The following NCAPD3 variants were observed in gnomAD, a reference collection of about 807,000 sequenced individuals.
NCAPD3 encodes non-SMC condensin II complex subunit D3, also known as condensin-2 complex subunit D3.
NCAPD3 carries 105 observed loss-of-function variants against 182.9 expected under a neutral mutation model. That is an observed-to-expected ratio of 0.57 (90% CI 0.49 to 0.68). The LOEUF is 0.68. Among genes scored for constraint, NCAPD3 ranks in the 30% least tolerant of loss-of-function variants. The pLI, the probability that NCAPD3 is intolerant of heterozygous loss-of-function variation, is 0.00. For missense variants in NCAPD3, 1,944 were observed against 1,837.0 expected (o/e 1.06, Z -1.07); for synonymous variants, 815 against 679.9 (o/e 1.20, Z -3.09).
At position 134,150,573 on chromosome 11, in the gene NCAPD3, G is replaced by A. The variant is rs1164322688; in HGVS notation, c.*2371C>T. On this transcript the variant is annotated 3_prime_UTR_variant, in exon 35 of 35. Coordinates refer to ENST00000534548, the MANE Select transcript of NCAPD3 (RefSeq NM_015261.3). ...CTGGTGTCTTCCATGTAGCGTCCCA[G>A]CTTTGGGCTCCTGTAACAGACCTCT... 6.6e-6 allele frequency: 1 copy of A among 152,188 alleles called. No individual in the cohort carries two copies. The highest frequency in any genetic ancestry group is 2.4e-5 in the African/African-American group (1 of 41,450). The allele number at this position is 152,188 out of a possible 1,614,324, so 9.4% of individuals were successfully genotyped here.
chr11:134,209,496 T>C lies in NCAPD3; in HGVS notation c.568-19A>G. 1.3e-6 allele frequency: 2 copies of C among 1,596,354 alleles called. No homozygotes were observed. On this transcript the variant is annotated intron_variant, in intron 4 of 34. Coordinates refer to ENST00000534548, the MANE Select transcript of NCAPD3 (RefSeq NM_015261.3). ...CATCCATCTAGATTATGAAGAAATG[T>C]ACAGGTGACTGTAATAAATGCCAAA...
chr11:134,160,862 T>A (rs947684783), intron 28 of NCAPD3, among the ~76,000 whole-genome samples: 1 of 151,914 alleles, frequency 6.6e-6, no homozygotes, highest in Non-Finnish European at 1.5e-5. Context: ...CGTGTGGCCA[T>A]CCTGTGTGTG....
intron 3 of NCAPD3, among the ~76,000 whole-genome samples, chr11:134,210,877 T>C (rs1224187456): frequency 1.3e-5 from 2 of 152,182 alleles, no homozygotes; most frequent in African/African-American, 4.8e-5. Flanking sequence ...ACACAAATTA[T>C]AATGGTCTTA....
chr11:134,198,738 C>A (rs913300331), intron 13 of NCAPD3, among the ~76,000 whole-genome samples: 1 of 152,030 alleles, frequency 6.6e-6, no homozygotes, highest in African/African-American at 2.4e-5. Context: ...CATTAGAGCT[C>A]GTAATGAGTT....
intron 30 of NCAPD3, 97 bp downstream of exon 30, chr11:134,158,232 C>G: frequency 1.3e-6 from 2 of 1,550,912 alleles, no homozygotes; most frequent in Non-Finnish European, 1.8e-6. Context: ...CAGACAATGA[C>G]AATGACTTTC....
intron 28 of NCAPD3, among the ~76,000 whole-genome samples, chr11:134,161,135 T>G (rs1943566328): frequency 6.6e-6 from 1 of 152,192 alleles, no homozygotes; most frequent in Non-Finnish European, 1.5e-5. Flanking sequence ...TGTAGCATTT[T>G]TTTGAGGAAG....
chr11:134,170,584 A>G (rs1943983179), intron 24 of NCAPD3, among the ~76,000 whole-genome samples: 2 of 152,272 alleles, frequency 1.3e-5, no homozygotes. Flanking sequence ...GCCAGATAGA[A>G]TCAGCAAATC....
intron 17 of NCAPD3, 67 bp downstream of exon 17, chr11:134,185,268 C>T (rs1944379556): frequency 1.4e-6 from 2 of 1,398,316 alleles, no homozygotes; most frequent in African/African-American, 2.9e-5. Context: ...AGCTCACTTC[C>T]TTAAGTCTTG....
intron 27 of NCAPD3, among the ~76,000 whole-genome samples, chr11:134,163,878 A>G (rs1206022640): frequency 3.0e-5 from 4 of 133,814 alleles, no homozygotes; most frequent in Admixed American, 1.4e-4. Context: ...TCTCAAAAAA[A>G]AAAAAAAAAA....
intron 30 of NCAPD3, 72 bp from the exon 31 acceptor site, chr11:134,158,139 TC>T: frequency 6.4e-7 from 1 of 1,554,420 alleles, no homozygotes; most frequent in Non-Finnish European, 8.8e-7. Context: ...CTGCACTGTG[TC>T]CCCGCGTGCC....
At chr11:134,170,017 T>C (rs1260316191) in intron 24 of NCAPD3, among the ~76,000 whole-genome samples, 1 of 152,226 alleles carries the variant, frequency 6.6e-6, no homozygotes, top group Admixed American at 6.5e-5. Context: ...TGGGACTGTG[T>C]AGGAGACTGA....
chr11:134,169,984 C>T, intron 24 of NCAPD3, among the ~76,000 whole-genome samples: 1 of 152,234 alleles, frequency 6.6e-6, no homozygotes, highest in East Asian at 1.9e-4. Flanking sequence ...GTCCAAACAG[C>T]AGACACTGGC....
intron 14 of NCAPD3, 33 bp downstream of exon 14, chr11:134,194,631 CT>C (rs751658634): frequency 7.7e-5 from 113 of 1,474,188 alleles, no homozygotes; most frequent in Middle Eastern, 5.3e-4. Context: ...GTTTTTAGTG[CT>C]TAAAAAAAAA....
intron 1 of NCAPD3, chr11:134,223,126 T>G: frequency 2.5e-6 from 1 of 395,760 alleles, no homozygotes. Context: ...TGGTCATTTA[T>G]TTAGGAAACA....
At position 134,152,798 on chromosome 11, in the gene NCAPD3, C is replaced by T. The variant is rs1565511503; in HGVS notation, c.*146G>A. ...CATCATACAGAATAGAAGGTGAGTG[C>T]CAGGCCCCTGAGGAGGAGCTCTCGT... is the stretch of plus-strand genomic sequence containing the variant. On this transcript the variant is annotated 3_prime_UTR_variant, in exon 35 of 35. Coordinates refer to ENST00000534548, the MANE Select transcript of NCAPD3 (RefSeq NM_015261.3). 3.6e-5 allele frequency: 23 copies of T among 634,100 alleles called. No homozygotes were observed. The East Asian group carries it at 5.8e-4, about 16-fold the overall frequency. The allele number at this position is 634,100 out of a possible 1,614,324, so 39.3% of individuals were successfully genotyped here.
chr11:134,163,401 C>T (rs1943648685), intron 27 of NCAPD3, among the ~76,000 whole-genome samples: 1 of 151,988 alleles, frequency 6.6e-6, no homozygotes, highest in Admixed American at 6.6e-5. Context: ...CAAATTTGTA[C>T]TTAAGAAAGA....
intron 27 of NCAPD3, among the ~76,000 whole-genome samples, 193 bp downstream of exon 27, chr11:134,167,803 G>C (rs1591829902): frequency 7.2e-6 from 1 of 139,578 alleles, no homozygotes; most frequent in Non-Finnish European, 1.5e-5. Flanking sequence ...ACACTCGTGA[G>C]ATGAGCTTAG....
chr11:134,172,154 C>T (rs978415310), intron 24 of NCAPD3, among the ~76,000 whole-genome samples: 4 of 152,158 alleles, frequency 2.6e-5, no homozygotes, highest in Non-Finnish European at 4.4e-5. Context: ...TCCACCTCCC[C>T]GTGGTGCTCC....
At chr11:134,194,252 A>G (rs1277764641) in intron 14 of NCAPD3, 102 bp from the exon 15 acceptor site, 3 of 1,288,616 alleles carry the variant, frequency 2.3e-6, no homozygotes, top group Non-Finnish European at 3.2e-6. Flanking sequence ...GTGGTTCTTA[A>G]CATTTTGGGG....
Sources: allele counts gnomAD v4.1 joint callset (sites outside exome capture counted in the v4.1 genomes callset), GRCh38; gene constraint gnomAD v4.1.1; transcripts MANE v1.5; gene names NCBI Gene and HGNC (gene_info 2026-07-23, HGNC 2026-07-21).